COL23A1: variants seen among roughly 807,000 people sequenced by gnomAD.
The protein encoded by COL23A1 is collagen alpha-1(XXIII) chain.
In COL23A1, 97 loss-of-function variants were observed where a neutral mutation model predicts 99.3. The observed-to-expected ratio is 0.98, with a 90% CI of 0.83 to 1.16. COL23A1 has a LOEUF of 1.16. Among genes scored for constraint, COL23A1 ranks in the 50% most tolerant of loss-of-function variants. COL23A1 has a pLI of 0.00. For synonymous variants in COL23A1, 320 were observed against 308.2 expected, an observed-to-expected ratio of 1.04 and a Z score of -0.40; for missense variants, 762 against 757.4, an observed-to-expected ratio of 1.01 and a Z score of -0.07.
rs1758404350 is a variant in COL23A1, at chr5:178,307,162, C to T, written c.362-243G>A. 6.6e-6 allele frequency among the ~76,000 whole-genome samples: 1 copy of T among 152,198 alleles called. No individual in the cohort carries two copies. Reference sequence around the variant, plus strand: ...CCGCATCCCTCATGCCCCACGCACCCATTCTGTCATTCAATCATCGGCTCA... The same window carrying T: ...CCGCATCCCTCATGCCCCACGCACCTATTCTGTCATTCAATCATCGGCTCA... On this transcript the variant is annotated intron_variant, in intron 2 of 28. Transcript: ENST00000390654. This position sits in a 1 kb window ranked among gnomAD's most constrained non-coding sequence, Gnocchi z 4.2.
chr5:178,301,059 T>C (rs937919800), intron 3 of COL23A1, among the ~76,000 whole-genome samples: 2 of 152,024 alleles, frequency 1.3e-5, no homozygotes, highest in African/African-American at 4.8e-5. Context: ...GGGACTACCA[T>C]TATGTGTATG....
chr5:178,370,100 G>A (rs766036165), intron 2 of COL23A1, among the ~76,000 whole-genome samples: 7 of 152,206 alleles, frequency 4.6e-5, no homozygotes, highest in African/African-American at 9.6e-5. Flanking sequence ...TTCATGCCAC[G>A]TGTCTGCACG....
intron 2 of COL23A1, among the ~76,000 whole-genome samples, chr5:178,520,817 T>C (rs1323134935): frequency 6.6e-6 from 1 of 152,218 alleles, no homozygotes; most frequent in Non-Finnish European, 1.5e-5. Context: ...AAACAATCCA[T>C]CAATGTTAGT....
At chr5:178,250,853 G>A (rs1402972977) in intron 17 of COL23A1, among the ~76,000 whole-genome samples, 1 of 151,766 alleles carries the variant, frequency 6.6e-6, no homozygotes, top group Admixed American at 6.6e-5. Flanking sequence ...TGGTGGCACA[G>A]GCCTGTAATA....
chr5:178,500,762 A>G lies in COL23A1; in HGVS notation c.361+59920T>C, dbSNP rs555556912. Among the ~76,000 whole-genome samples, 6 of 152,284 alleles carry G rather than the reference A, an allele frequency of 3.9e-5. No homozygotes were observed. In the East Asian group the frequency reaches 1.2e-3, roughly 29 times the overall value. On this transcript the variant is annotated intron_variant, in intron 2 of 28. Transcript: ENST00000390654. ...AACATTAAAATTTTTAGAAGAAATT[A>G]TGAGAGATTCTCTCTCTAAACTTGG...
chr5:178,247,382 G>T, intron 22 of COL23A1, 144 bp downstream of exon 22: 1 of 860,850 alleles, frequency 1.2e-6, no homozygotes, highest in Non-Finnish European at 1.8e-6. Flanking sequence ...TATGCCCTGG[G>T]GACTTGGGAC....
intron 2 of COL23A1, among the ~76,000 whole-genome samples, chr5:178,552,861 G>A (rs13190481): frequency 0.36 from 54,267 of 151,726 alleles, 12,122 homozygotes; most frequent in Non-Finnish European, 0.5. Flanking sequence ...CTACAGGCGC[G>A]TGCCACCACA....
At chr5:178,371,551 G>A (rs771498305) in intron 2 of COL23A1, among the ~76,000 whole-genome samples, 3 of 152,148 alleles carry the variant, frequency 2.0e-5, no homozygotes, top group Non-Finnish European at 1.5e-5. Context: ...CTGGACACGC[G>A]GCGACGGGCC....
At chr5:178,320,272 G>A (rs1393606257) in intron 2 of COL23A1, among the ~76,000 whole-genome samples, 4 of 152,204 alleles carry the variant, frequency 2.6e-5, no homozygotes, top group African/African-American at 9.7e-5. Context: ...GCCCCTGAGT[G>A]GGGCCATTAG....
intron 1 of COL23A1, among the ~76,000 whole-genome samples, chr5:178,564,097 G>A (rs1762735019): frequency 6.6e-6 from 1 of 152,214 alleles, no homozygotes; most frequent in Non-Finnish European, 1.5e-5. Flanking sequence ...TCTCCCTGAA[G>A]GGGGAGAAGG....
At chr5:178,486,617 C>T (rs919931661) in intron 2 of COL23A1, among the ~76,000 whole-genome samples, 1 of 152,100 alleles carries the variant, frequency 6.6e-6, no homozygotes, top group African/African-American at 2.4e-5. Flanking sequence ...TTTGTGAAAG[C>T]AGAGGTGACT....
At position 178,306,003 on chromosome 5, in the gene COL23A1, G is replaced by A. The variant is rs1177363943; in HGVS notation, c.406+872C>T. Reference sequence around the variant, plus strand: ...AACGTCCAACCTCGGGGACCCGGAGGAGAGGATGTGGCTGGAGGCAGGGAG... The same window carrying A: ...AACGTCCAACCTCGGGGACCCGGAGAAGAGGATGTGGCTGGAGGCAGGGAG... On this transcript the variant is annotated intron_variant, in intron 3 of 28. Coordinates refer to ENST00000390654, the MANE Select transcript of COL23A1 (RefSeq NM_173465.4). This position sits in a 1 kb window ranked among gnomAD's most constrained non-coding sequence, Gnocchi z 4.1. Among the ~76,000 whole-genome samples, 1 of 152,172 alleles carries A rather than the reference G, an allele frequency of 6.6e-6. No individual in the cohort carries two copies. The highest frequency in any genetic ancestry group is 1.5e-5 in the Non-Finnish European group (1 of 68,026).
Position 178,280,238 on chromosome 5 carries a change from C to T in COL23A1, c.441+8086G>A, listed in dbSNP as rs560502225. 3.3e-4 allele frequency among the ~76,000 whole-genome samples: 51 copies of T among 152,358 alleles called. No homozygotes were observed. In the South Asian group the frequency reaches 8.5e-3, roughly 25 times the overall value. ...CCACAGCCTGGGCGATCAGCCAGGA[C>T]GCTGGCCATTGAGGATGCAGGCCCA... On this transcript the variant is annotated intron_variant, in intron 5 of 28. Coordinates refer to ENST00000390654, the MANE Select transcript of COL23A1 (RefSeq NM_173465.4). The surrounding 1 kb of genome is among the most constrained non-coding windows in gnomAD (Gnocchi z 4.9).
intron 2 of COL23A1, among the ~76,000 whole-genome samples, chr5:178,441,978 T>C (rs889898946): frequency 6.6e-6 from 1 of 152,090 alleles, no homozygotes; most frequent in Non-Finnish European, 1.5e-5. Flanking sequence ...ATGCCTCAGT[T>C]TCCCTGCCCC....
chr5:178,513,546 C>A (rs758661201), intron 2 of COL23A1, among the ~76,000 whole-genome samples: 1 of 152,114 alleles, frequency 6.6e-6, no homozygotes, highest in Non-Finnish European at 1.5e-5. Context: ...TTCCTGGAGG[C>A]TCAGGGAGTA....
chr5:178,513,380 A>G (rs1421541767), intron 2 of COL23A1, among the ~76,000 whole-genome samples: 1 of 152,188 alleles, frequency 6.6e-6, no homozygotes, highest in Non-Finnish European at 1.5e-5. Flanking sequence ...CTAGCCCAAG[A>G]CCACACAGCT....
chr5:178,265,726 T>C (rs1755852386), intron 8 of COL23A1: 32 of 985,618 alleles, frequency 3.2e-5, no homozygotes, highest in Non-Finnish European at 3.9e-5. Flanking sequence ...GGGAAAACCA[T>C]CTAGTCAGCA....
intron 2 of COL23A1, among the ~76,000 whole-genome samples, chr5:178,530,954 A>G (rs1431547077): frequency 6.6e-6 from 1 of 152,132 alleles, no homozygotes; most frequent in Non-Finnish European, 1.5e-5. Context: ...TGCAACCTCC[A>G]TCTCCTGGGT....
intron 2 of COL23A1, among the ~76,000 whole-genome samples, chr5:178,554,917 C>G (rs765661594): frequency 1.3e-5 from 2 of 152,166 alleles, no homozygotes; most frequent in Non-Finnish European, 2.9e-5. Flanking sequence ...ACACAACAAC[C>G]ATCCCCTCTA....
Sources: allele counts gnomAD v4.1 joint callset (sites outside exome capture counted in the v4.1 genomes callset), GRCh38; gene constraint gnomAD v4.1.1; non-coding constraint Gnocchi (gnomAD v3.1); transcripts MANE v1.5; gene names NCBI Gene and HGNC (gene_info 2026-07-23, HGNC 2026-07-21).